Variants in MALRD1 observed in about 807,000 individuals in gnomAD.
The protein encoded by MALRD1 is MAM and LDL receptor class A domain containing 1.
In MALRD1, 247 loss-of-function variants were observed where a neutral mutation model predicts 242.1. The observed-to-expected ratio is 1.02, with a 90% CI of 0.92 to 1.13. The LOEUF is 1.13. Ranked by LOEUF, MALRD1 falls within the 50% of genes most tolerant of loss-of-function variation. The pLI is 0.00. For synonymous variants in MALRD1, 995 were observed against 866.6 expected (o/e 1.15, Z -2.60); for missense variants, 2,989 against 2,533.1 (o/e 1.18, Z -3.86).
intron 29 of MALRD1, chr10:19,489,314 G>A (rs1177221629): frequency 9.6e-6 from 5 of 521,192 alleles, no homozygotes; most frequent in African/African-American, 7.8e-5. Context: ...CGAAAGTAAA[G>A]AAGAGTTAAC....
At chr10:19,731,630 T>C (rs1303602547) in intron 39 of MALRD1, among the ~76,000 whole-genome samples, 1 of 152,186 alleles carries the variant, frequency 6.6e-6, no homozygotes, top group African/African-American at 2.4e-5. Flanking sequence ...ACAAAAACTT[T>C]GCACTCTTTG....
intron 26 of MALRD1, among the ~76,000 whole-genome samples, chr10:19,383,008 A>G (rs553870181): frequency 3.3e-5 from 5 of 152,282 alleles, no homozygotes; most frequent in East Asian, 3.9e-4. Context: ...GAACACCACT[A>G]CAGATACCAT....
intron 33 of MALRD1, among the ~76,000 whole-genome samples, chr10:19,574,291 A>G (rs1281098110): frequency 6.6e-6 from 1 of 152,206 alleles, no homozygotes; most frequent in Admixed American, 6.5e-5. Flanking sequence ...TGTATTCTAT[A>G]TGCCTGGATG....
At position 19,651,293 on chromosome 10, in the gene MALRD1, T is replaced by C. The variant is rs371281840; in HGVS notation, c.6137+35370T>C. ...TCCTTGAATATGTTGGGATGTGCTA[T>C]GGTGATCTAGTTCTTATCTAACTTC... On this transcript the variant is annotated intron_variant, in intron 36 of 39. Coordinates refer to ENST00000454679, the MANE Select transcript of MALRD1 (RefSeq NM_001142308.3). 8.5e-5 allele frequency among the ~76,000 whole-genome samples: 13 copies of C among 152,332 alleles called. No individual in the cohort carries two copies. The East Asian group carries it at 2.3e-3, about 27-fold the overall frequency.
At chr10:19,124,802 A>G in intron 7 of MALRD1, 132 bp downstream of exon 7, 1 of 688,624 alleles carries the variant, frequency 1.5e-6, no homozygotes, top group Non-Finnish European at 2.0e-6. Flanking sequence ...ATTCTGCCAA[A>G]GGAGCTGAAG....
chr10:19,048,017 A>C (rs990319170), upstream of MALRD1, among the ~76,000 whole-genome samples: 1 of 152,216 alleles, frequency 6.6e-6, no homozygotes, highest in Non-Finnish European at 1.5e-5. Context: ...ATTCACGCTC[A>C]TAAGATTATG....
At chr10:19,134,917 A>G (rs932577310) in intron 9 of MALRD1, among the ~76,000 whole-genome samples, 3 of 152,140 alleles carry the variant, frequency 2.0e-5, no homozygotes, top group Non-Finnish European at 2.9e-5. Flanking sequence ...TGAACCTCAA[A>G]TTGATATCAT....
intron 29 of MALRD1, among the ~76,000 whole-genome samples, chr10:19,478,530 A>G (rs1426836040): frequency 1.3e-5 from 2 of 152,154 alleles, no homozygotes; most frequent in Non-Finnish European, 2.9e-5. Context: ...GTGAAAAGGT[A>G]CCCTTAAAGA....
Position 19,347,836 on chromosome 10 carries a change from G to A in MALRD1, c.3967G>A (p.Asp1323Asn), listed in dbSNP as rs1564582398. The A allele has an allele frequency of 1.3e-6, 2 of 1,550,438 alleles. No homozygotes were observed. Among genetic ancestry groups the A allele is most frequent in the African/African-American group, 1.4e-5 (1 of 73,160 alleles). The change falls in exon 25 of 40, where the codon GAC becomes AAC. Residue 1323 changes from aspartate to asparagine, a missense_variant. By Grantham distance (23) the Asp-to-Asn change is conservative. Transcript: ENST00000454679. ...TTCCTGGAAGCAGGAGAAAGATGAG[G>A]ACTTTGACTGGAACCTGAAAGCTAG... Reference protein sequence around the residue: ...LCSWKQEKDEDFDWNLKASSI... With the variant: ...LCSWKQEKDENFDWNLKASSI...
At chr10:19,572,487 T>G (rs922737581) in intron 33 of MALRD1, among the ~76,000 whole-genome samples, 8 of 152,148 alleles carry the variant, frequency 5.3e-5, no homozygotes, top group Non-Finnish European at 1.2e-4. Flanking sequence ...GTCAGGAGTT[T>G]AATAAGGTGG....
chr10:19,128,589 A>T (rs1379719252), intron 8 of MALRD1, among the ~76,000 whole-genome samples: 1 of 152,210 alleles, frequency 6.6e-6, no homozygotes, highest in African/African-American at 2.4e-5. Context: ...TAACTTGCCC[A>T]ATATTATTTC....
chr10:19,355,858 T>TATATATATATATATATATATATATATACA (rs57813656), intron 26 of MALRD1, among the ~76,000 whole-genome samples: 1 of 94,924 alleles, frequency 1.1e-5, no homozygotes, highest in African/African-American at 3.7e-5. Context: ...TATATATATA[T>TATATATATATATATATATATATATATACA]TATATATGAT....
At chr10:19,123,325 G>GTGTA (rs1837135326) in intron 5 of MALRD1, among the ~76,000 whole-genome samples, 167 bp from the exon 6 acceptor site, 2 of 145,462 alleles carry the variant, frequency 1.4e-5, no homozygotes, top group Admixed American at 6.8e-5. Context: ...GTGTGTGTGT[G>GTGTA]AGAGAGAGAG....
At chr10:19,631,222 C>T (rs1839883818) in intron 36 of MALRD1, among the ~76,000 whole-genome samples, 1 of 152,140 alleles carries the variant, frequency 6.6e-6, no homozygotes. Flanking sequence ...TTAGCTCCCA[C>T]TTATAAGTGA....
intron 25 of MALRD1, among the ~76,000 whole-genome samples, chr10:19,351,119 T>C (rs1464091983): frequency 6.6e-6 from 1 of 152,234 alleles, no homozygotes. Flanking sequence ...CGGTGTTCAT[T>C]TTTCTTCTTG....
At chr10:19,489,145 G>C (rs759012670) in intron 29 of MALRD1, 5 of 468,114 alleles carry the variant, frequency 1.1e-5, no homozygotes, top group Non-Finnish European at 8.8e-6. Flanking sequence ...CACAGGAAAA[G>C]CCTAACAGGA....
chr10:19,508,611 A>G (rs1833253611), intron 31 of MALRD1, among the ~76,000 whole-genome samples: 1 of 152,206 alleles, frequency 6.6e-6, no homozygotes, highest in African/African-American at 2.4e-5. Context: ...TACGAACTGG[A>G]TTTCAAATAT....
At chr10:19,585,140 C>T (rs949470675) in intron 33 of MALRD1, among the ~76,000 whole-genome samples, 1 of 152,138 alleles carries the variant, frequency 6.6e-6, no homozygotes, top group African/African-American at 2.4e-5. Context: ...AGATGCGTTT[C>T]CTGAATACAG....
At chr10:19,459,089 A>G (rs1835809845) in intron 29 of MALRD1, among the ~76,000 whole-genome samples, 2 of 152,114 alleles carry the variant, frequency 1.3e-5, no homozygotes, top group South Asian at 4.1e-4. Flanking sequence ...CATTTGCTGT[A>G]TTTAAGGTCA....
Sources: gnomAD v4.1 joint callset for allele counts (sites outside exome capture counted in the v4.1 genomes callset) on GRCh38, gnomAD v4.1.1 for gene constraint, MANE v1.5 for transcripts, NCBI Gene and HGNC (gene_info 2026-07-23, HGNC 2026-07-21) for gene names.